The following SEC61A2 variants were observed in gnomAD, a reference collection of about 807,000 sequenced individuals.
SEC61A2 encodes the protein SEC61 translocon subunit alpha 2, also known as protein transport protein Sec61 subunit alpha isoform 2.
Under a neutral mutation model 59.9 loss-of-function variants are expected in SEC61A2, and 28 were observed. The ratio of observed to expected loss-of-function variants is 0.47; its 90% CI spans 0.35 to 0.64. The LOEUF is 0.64. Among genes scored for constraint, SEC61A2 ranks in the 30% least tolerant of loss-of-function variants. The probability of loss-of-function intolerance (pLI) is 0.01; values close to 1 mark genes in which losing one functional copy is unlikely to be tolerated. For missense variants in SEC61A2, 340 were observed against 585.9 expected, an observed-to-expected ratio of 0.58 and a Z score of 4.33; for synonymous variants, 202 against 214.4, an observed-to-expected ratio of 0.94 and a Z score of 0.50.
At position 12,161,218 on chromosome 10, in the gene SEC61A2, G is replaced by A. The variant is rs994975404; in HGVS notation, c.1167+97G>A. The A allele has an allele frequency of 1.5e-5, 14 of 936,786 alleles. No individual in the cohort carries two copies. Among genetic ancestry groups the A allele is most frequent in the African/African-American group, 3.4e-5 (2 of 59,140 alleles). The allele number at this position is 936,786 out of a possible 1,614,324, so 58.0% of individuals were successfully genotyped here. On this transcript the variant is annotated intron_variant, in intron 10 of 11. Transcript: ENST00000298428. The surrounding 1 kb of genome is among the most constrained non-coding windows in gnomAD (Gnocchi z 5.4). Reference sequence around the variant, plus strand: ...TTTGGCAGGCTGAGGCCGCTGGATCGCTTCACCTCAGGAGTTTTGAGACCA... The same window carrying A: ...TTTGGCAGGCTGAGGCCGCTGGATCACTTCACCTCAGGAGTTTTGAGACCA...
rs1833679262 is a variant in SEC61A2, at chr10:12,129,683, C to T, written c.-105C>T. 8 of 1,141,136 alleles carry T rather than the reference C, an allele frequency of 7.0e-6. No individual in the cohort carries two copies. The highest frequency in any genetic ancestry group is 2.5e-5 in the Admixed American group (1 of 40,706). The allele number at this position is 1,141,136 out of a possible 1,614,324, so 70.7% of individuals were successfully genotyped here. A position where few individuals can be genotyped will look rare whatever the true frequency, so the allele number is the denominator to read the frequency against. On this transcript the variant is annotated 5_prime_UTR_variant, in exon 1 of 12. Coordinates refer to ENST00000298428, the MANE Select transcript of SEC61A2 (RefSeq NM_018144.4). The surrounding 1 kb of genome is among the most constrained non-coding windows in gnomAD (Gnocchi z 5.6). ...GGGGTTGGGCGGAGCCTGCGCGGGG[C>T]CGGTAGGATCGCGTCGGGAGCCGGT... is the stretch of plus-strand genomic sequence containing the variant.
Position 12,156,646 on chromosome 10 carries a change from T to C in SEC61A2, c.617-261T>C, listed in dbSNP as rs539831026. 6.6e-6 allele frequency among the ~76,000 whole-genome samples: 1 copy of C among 152,358 alleles called. No homozygotes were observed. The highest frequency in any genetic ancestry group is 2.4e-5 in the African/African-American group (1 of 41,582). On this transcript the variant is annotated intron_variant, in intron 7 of 11. Transcript: ENST00000298428. The surrounding 1 kb of genome is among the most constrained non-coding windows in gnomAD (Gnocchi z 5.2). ...AAATCTCTATGAATGAAATTTTGCT[T>C]TGGTAAATTTTACGTTGTATGTTTT...
At position 12,162,151 on chromosome 10, in the gene SEC61A2, G is replaced by A. The variant is rs992172881; in HGVS notation, c.1168-62G>A. 1.2e-5 allele frequency: 16 copies of A among 1,290,938 alleles called. No homozygotes were observed. Among genetic ancestry groups the A allele is most frequent in the Admixed American group, 1.0e-4 (6 of 58,316 alleles). 80.0% of individuals were successfully genotyped at this position (1,290,938 alleles called of 1,614,324 possible). A position where few individuals can be genotyped will look rare whatever the true frequency, so the allele number is the denominator to read the frequency against. On this transcript the variant is annotated intron_variant, in intron 10 of 11. Coordinates refer to ENST00000298428, the MANE Select transcript of SEC61A2 (RefSeq NM_018144.4). This position sits in a 1 kb window ranked among gnomAD's most constrained non-coding sequence, Gnocchi z 6.1. ...GTGTGGCGAGCACTTCGCATAGAAC[G>A]TGGTAGATGTAAGCAGTGAAATGTT...
At chr10:12,150,150 G>A (rs1834241469) in intron 6 of SEC61A2, among the ~76,000 whole-genome samples, 189 bp downstream of exon 6, 1 of 152,190 alleles carries the variant, frequency 6.6e-6, no homozygotes, top group Admixed American at 6.5e-5. Context: ...ACGTGTTCAA[G>A]TTGTGTTGAC....
chr10:12,167,157 A>G (rs1454243692), downstream of SEC61A2: 1 of 159,058 alleles, frequency 6.3e-6, no homozygotes, highest in Non-Finnish European at 1.4e-5. Flanking sequence ...ATGAACTGAA[A>G]ACTAGTAGAG....
chr10:12,144,793 G>A (rs969714324), intron 4 of SEC61A2, among the ~76,000 whole-genome samples: 3 of 152,194 alleles, frequency 2.0e-5, no homozygotes, highest in African/African-American at 7.2e-5. Flanking sequence ...GCTCATGCCT[G>A]TGATCCCAAC....
At chr10:12,133,437 G>C (rs1833810923) in intron 2 of SEC61A2, 129 bp downstream of exon 2, 1 of 497,858 alleles carries the variant, frequency 2.0e-6, no homozygotes, top group Non-Finnish European at 3.7e-6. Flanking sequence ...CATCCTCCTT[G>C]CAAGAGGCAC....
At position 12,142,466 on chromosome 10, in the gene SEC61A2, T is replaced by C; in HGVS notation, c.142-651T>C. Reference sequence around the variant, plus strand: ...AGCATAATTTTTAGTGGCCATGTAATATTCCATTGTGGATATCATCTTCAG... The same window carrying C: ...AGCATAATTTTTAGTGGCCATGTAACATTCCATTGTGGATATCATCTTCAG... On this transcript the variant is annotated intron_variant, in intron 3 of 11. Transcript: ENST00000298428. This position sits in a 1 kb window ranked among gnomAD's most constrained non-coding sequence, Gnocchi z 5.4. 1.1e-6 allele frequency: 1 copy of C among 919,378 alleles called. No homozygotes were observed. The highest frequency in any genetic ancestry group is 1.8e-5 in the African/African-American group (1 of 55,972). The allele number at this position is 919,378 out of a possible 1,614,324, so 57.0% of individuals were successfully genotyped here.
In SEC61A2 at chr10:12,165,310, TCA is replaced by T. The variant is rs1834641841; in HGVS notation, c.*859_*860del. 1.0e-6 allele frequency: 1 copy of T among 983,340 alleles called. No individual in the cohort carries two copies. Among genetic ancestry groups the T allele is most frequent in the African/African-American group, 1.7e-5 (1 of 57,226 alleles). The allele number at this position is 983,340 out of a possible 1,614,324, so 60.9% of individuals were successfully genotyped here. A position where few individuals can be genotyped will look rare whatever the true frequency, so the allele number is the denominator to read the frequency against. On this transcript the variant is annotated 3_prime_UTR_variant, in exon 12 of 12. Coordinates refer to ENST00000298428, the MANE Select transcript of SEC61A2 (RefSeq NM_018144.4). ...TAGGAATTTGTGTCTGTTGTTGTAC[TCA>T]CAGCAGCAACATGAGTGTAAACAGT...
intron 4 of SEC61A2, among the ~76,000 whole-genome samples, chr10:12,147,193 A>T (rs1834160023): frequency 6.6e-6 from 1 of 152,154 alleles, no homozygotes; most frequent in Non-Finnish European, 1.5e-5. Context: ...GTCTGCCTTA[A>T]TAGTTTTATT....
At chr10:12,138,214 A>T (rs1378661088) in intron 3 of SEC61A2, among the ~76,000 whole-genome samples, 1 of 152,178 alleles carries the variant, frequency 6.6e-6, no homozygotes. Context: ...TAATTAAAGT[A>T]CTTTTACTAC....
Position 12,158,325 on chromosome 10 carries a change from T to C in SEC61A2, c.975+220T>C. ...TTATTTTGCTCTCTAGGAAGCACTT[T>C]CACATCTCATTTGAATGACCTTTTA... On this transcript the variant is annotated intron_variant, in intron 9 of 11. Coordinates refer to ENST00000298428, the MANE Select transcript of SEC61A2 (RefSeq NM_018144.4). This position sits in a 1 kb window ranked among gnomAD's most constrained non-coding sequence, Gnocchi z 5.7. 2.0e-6 allele frequency: 1 copy of C among 506,528 alleles called. No homozygotes were observed. The highest frequency in any genetic ancestry group is 3.5e-6 in the Non-Finnish European group (1 of 288,218). 31.4% of individuals were successfully genotyped at this position (506,528 alleles called of 1,614,324 possible). A position where few individuals can be genotyped will look rare whatever the true frequency, so the allele number is the denominator to read the frequency against.
At position 12,154,337 on chromosome 10, in the gene SEC61A2, T is replaced by C. The variant is rs575476099; in HGVS notation, c.463-1441T>C. ...TGTGAACCACTCTGTAGTCCGATGGTCACTGTTCTGAACAGGGGGTGTGGA... is the reference window on the plus strand; with the variant it reads ...TGTGAACCACTCTGTAGTCCGATGGCCACTGTTCTGAACAGGGGGTGTGGA... On this transcript the variant is annotated intron_variant, in intron 6 of 11. Transcript: ENST00000298428. The surrounding 1 kb of genome is among the most constrained non-coding windows in gnomAD (Gnocchi z 5.2). Among the ~76,000 whole-genome samples the C allele has an allele frequency of 6.0e-4, 92 of 152,316 alleles. No individual in the cohort carries two copies. Among genetic ancestry groups the C allele is most frequent in the African/African-American group, 2.2e-3 (90 of 41,562 alleles).
Position 12,129,734 on chromosome 10 carries a change from A to G in SEC61A2, c.-54A>G. On this transcript the variant is annotated 5_prime_UTR_variant, in exon 1 of 12. Transcript: ENST00000298428. The surrounding 1 kb of genome is among the most constrained non-coding windows in gnomAD (Gnocchi z 5.6). ...ACCGAGGCCCGAGCCGCGGGAGTCG[A>G]GCGAAGGCAGCGCCGAGGCCGCGGT... 6.8e-7 allele frequency: 1 copy of G among 1,480,442 alleles called. No homozygotes were observed. The highest frequency in any genetic ancestry group is 1.3e-5 in the South Asian group (1 of 79,134). 91.7% of individuals were successfully genotyped at this position (1,480,442 alleles called of 1,614,324 possible). A position where few individuals can be genotyped will look rare whatever the true frequency, so the allele number is the denominator to read the frequency against.
chr10:12,155,230 A>G lies in SEC61A2; in HGVS notation c.463-548A>G, dbSNP rs545318427. ...GCTGCTCGAGTACGTATTTGAGTACATATTTGTGTTCTAGTTTTTTATTCT... is the reference window on the plus strand; with the variant it reads ...GCTGCTCGAGTACGTATTTGAGTACGTATTTGTGTTCTAGTTTTTTATTCT... On this transcript the variant is annotated intron_variant, in intron 6 of 11. Coordinates refer to ENST00000298428, the MANE Select transcript of SEC61A2 (RefSeq NM_018144.4). This position sits in a 1 kb window ranked among gnomAD's most constrained non-coding sequence, Gnocchi z 4.3. 3 of 958,034 alleles carry G rather than the reference A, an allele frequency of 3.1e-6. No individual in the cohort carries two copies. The highest frequency in any genetic ancestry group is 3.4e-5 in the African/African-American group (2 of 59,046). The allele number at this position is 958,034 out of a possible 1,614,324, so 59.3% of individuals were successfully genotyped here. A position where few individuals can be genotyped will look rare whatever the true frequency, so the allele number is the denominator to read the frequency against.
In SEC61A2 at chr10:12,129,718, C is replaced by G. The variant is rs959926322; in HGVS notation, c.-70C>G. The G allele has an allele frequency of 1.4e-5, 20 of 1,444,890 alleles. No homozygotes were observed. Among genetic ancestry groups the G allele is most frequent in the South Asian group, 6.4e-5 (5 of 78,032 alleles). 89.5% of individuals were successfully genotyped at this position (1,444,890 alleles called of 1,614,324 possible). A position where few individuals can be genotyped will look rare whatever the true frequency, so the allele number is the denominator to read the frequency against. The stretch of plus-strand genomic sequence containing the variant: ...CGCGTCGGGAGCCGGTACCGAGGCC[C>G]GAGCCGCGGGAGTCGAGCGAAGGCA... On this transcript the variant is annotated 5_prime_UTR_variant, in exon 1 of 12. Coordinates refer to ENST00000298428, the MANE Select transcript of SEC61A2 (RefSeq NM_018144.4). The surrounding 1 kb of genome is among the most constrained non-coding windows in gnomAD (Gnocchi z 5.6).
intron 3 of SEC61A2, among the ~76,000 whole-genome samples, chr10:12,139,938 C>T (rs1038603508): frequency 1.4e-5 from 2 of 147,512 alleles, no homozygotes; most frequent in East Asian, 2.0e-4. Context: ...CACTGCACTC[C>T]AGCCTGGGCG....
intron 9 of SEC61A2, among the ~76,000 whole-genome samples, chr10:12,159,077 A>C (rs937342476): frequency 8.7e-5 from 13 of 150,114 alleles, no homozygotes; most frequent in African/African-American, 3.2e-4. Flanking sequence ...TCCCGGGTTC[A>C]TGCCATTCTC....
chr10:12,163,312 CTTTTTT>C (rs3060465), intron 11 of SEC61A2, among the ~76,000 whole-genome samples: 25 of 68,584 alleles, frequency 3.6e-4, no homozygotes, highest in African/African-American at 1.3e-3. Flanking sequence ...GGCCAGCTAG[CTTTTTT>C]TTTTTTTTTT....
Sources: allele counts gnomAD v4.1 joint callset (sites outside exome capture counted in the v4.1 genomes callset), GRCh38; gene constraint gnomAD v4.1.1; non-coding constraint Gnocchi (gnomAD v3.1); transcripts MANE v1.5; gene names NCBI Gene and HGNC (gene_info 2026-07-23, HGNC 2026-07-21).